The following PRKCE variants were observed in gnomAD, a reference collection of about 807,000 sequenced individuals.
PRKCE encodes protein kinase C epsilon type.
PRKCE carries 16 observed loss-of-function variants against 85.4 expected under a neutral mutation model. The ratio of observed to expected loss-of-function variants is 0.19; its 90% CI spans 0.13 to 0.28. The LOEUF is 0.28. PRKCE is among the 10% of genes least tolerant of loss of function. The pLI, the probability that PRKCE is intolerant of heterozygous loss-of-function variation, is 1.00. For synonymous variants in PRKCE, 388 were observed against 371.5 expected, an observed-to-expected ratio of 1.04 and a Z score of -0.51; for missense variants, 573 against 975.2, an observed-to-expected ratio of 0.59 and a Z score of 5.49.
intron 10 of PRKCE, among the ~76,000 whole-genome samples, chr2:46,074,429 C>CAAAAAAAAAAAAAAAA (rs11287357): frequency 5.3e-5 from 5 of 93,864 alleles, no homozygotes; most frequent in Non-Finnish European, 6.3e-5. Context: ...CAACAACAAC[C>CAAAAAAAAAAAAAAAA]AAAAAAAAAA....
At chr2:45,928,901 G>A (rs570875311) in intron 2 of PRKCE, among the ~76,000 whole-genome samples, 1 of 152,290 alleles carries the variant, frequency 6.6e-6, no homozygotes, top group South Asian at 2.1e-4. Context: ...CCCGAGGCTG[G>A]GAGTCTGGGG....
intron 2 of PRKCE, among the ~76,000 whole-genome samples, chr2:45,969,505 C>T (rs1701964867): frequency 6.6e-6 from 1 of 152,148 alleles, no homozygotes; most frequent in Non-Finnish European, 1.5e-5. Context: ...GGGCATGGAT[C>T]CGGCAACTCT....
chr2:45,958,972 C>T (rs1201012958), intron 2 of PRKCE, among the ~76,000 whole-genome samples: 1 of 150,486 alleles, frequency 6.6e-6, no homozygotes, highest in African/African-American at 2.4e-5. Flanking sequence ...TCAGAAAGAG[C>T]CACGTCAGGG....
At chr2:45,782,330 A>G (rs1686252737) in intron 1 of PRKCE, among the ~76,000 whole-genome samples, 1 of 152,144 alleles carries the variant, frequency 6.6e-6, no homozygotes, top group Non-Finnish European at 1.5e-5. Context: ...GTGTCACAAC[A>G]CAAACCCCAG....
At chr2:46,157,179 A>G (rs1216821709) in intron 13 of PRKCE, among the ~76,000 whole-genome samples, 5 of 152,216 alleles carry the variant, frequency 3.3e-5, no homozygotes, top group Admixed American at 3.3e-4. Context: ...TTGTCTCCTG[A>G]TTCCCGGAGC....
At chr2:45,691,832 C>A (rs1023389395) in intron 1 of PRKCE, among the ~76,000 whole-genome samples, 1 of 152,166 alleles carries the variant, frequency 6.6e-6, no homozygotes, top group Non-Finnish European at 1.5e-5. Flanking sequence ...CAGGCCCAGC[C>A]AACTGCTTTG....
At chr2:45,821,390 C>A (rs1301754707) in intron 1 of PRKCE, among the ~76,000 whole-genome samples, 1 of 152,094 alleles carries the variant, frequency 6.6e-6, no homozygotes, top group Non-Finnish European at 1.5e-5. Flanking sequence ...CTTTGCTGGG[C>A]CCAGGAGGAT....
At chr2:45,691,995 A>C (rs1252104476) in intron 1 of PRKCE, among the ~76,000 whole-genome samples, 2 of 152,224 alleles carry the variant, frequency 1.3e-5, no homozygotes, top group Non-Finnish European at 2.9e-5. Context: ...TGATAGTTTC[A>C]GTGTTAATAA....
chr2:45,933,464 CTTTTT>C (rs59991455), intron 2 of PRKCE, among the ~76,000 whole-genome samples: 1 of 65,346 alleles, frequency 1.5e-5, no homozygotes, highest in African/African-American at 6.2e-5. Context: ...CATATGCCTG[CTTTTT>C]TTTTTTTTTT....
intron 2 of PRKCE, among the ~76,000 whole-genome samples, chr2:45,952,270 G>A (rs538802120): frequency 2.0e-5 from 3 of 152,290 alleles, no homozygotes; most frequent in Non-Finnish European, 4.4e-5. Flanking sequence ...CGGCAAAAGA[G>A]CCCAGGCCCC....
chr2:46,087,107 TC>T (rs1669720939), intron 11 of PRKCE, among the ~76,000 whole-genome samples: 1 of 152,146 alleles, frequency 6.6e-6, no homozygotes, highest in Non-Finnish European at 1.5e-5. Flanking sequence ...GTTAATTTCT[TC>T]ACTTGGTCTT....
At chr2:46,010,076 A>C (rs372696276) in intron 9 of PRKCE, among the ~76,000 whole-genome samples, 8 of 152,224 alleles carry the variant, frequency 5.3e-5, no homozygotes, top group African/African-American at 1.4e-4. Context: ...GTAATTGTAG[A>C]ATAGGAAGTT....
chr2:46,049,841 AATTTAC>A (rs1263019139), intron 10 of PRKCE, among the ~76,000 whole-genome samples: 3 of 152,128 alleles, frequency 2.0e-5, no homozygotes, highest in Non-Finnish European at 4.4e-5. Flanking sequence ...GATTTCATGT[AATTTAC>A]ATTTTCCCAT....
At chr2:45,918,375 T>C (rs1697994189) in intron 2 of PRKCE, among the ~76,000 whole-genome samples, 1 of 152,234 alleles carries the variant, frequency 6.6e-6, no homozygotes, top group South Asian at 2.1e-4. Context: ...TAACTTTTTT[T>C]CCCAAAATTG....
intron 1 of PRKCE, among the ~76,000 whole-genome samples, chr2:45,742,573 T>C (rs527285322): frequency 6.6e-6 from 1 of 152,254 alleles, no homozygotes; most frequent in East Asian, 1.9e-4. Flanking sequence ...CAATGAGCTA[T>C]CACCTCACAC....
At chr2:45,701,763 T>G (rs1678660501) in intron 1 of PRKCE, among the ~76,000 whole-genome samples, 1 of 152,138 alleles carries the variant, frequency 6.6e-6, no homozygotes, top group Non-Finnish European at 1.5e-5. Flanking sequence ...CCATGTAAAT[T>G]CTAGTCTGAT....
At chr2:46,116,280 T>C (rs1672758633) in intron 11 of PRKCE, among the ~76,000 whole-genome samples, 1 of 152,156 alleles carries the variant, frequency 6.6e-6, no homozygotes, top group Admixed American at 6.5e-5. Context: ...GAATGTCACG[T>C]GAGAGTTGCT....
chr2:46,064,931 C>T (rs901912728), intron 10 of PRKCE, among the ~76,000 whole-genome samples: 15 of 152,174 alleles, frequency 9.9e-5, no homozygotes, highest in African/African-American at 3.6e-4. Context: ...CAACACCAAG[C>T]CCAAGCTTTC....
intron 1 of PRKCE, among the ~76,000 whole-genome samples, chr2:45,801,248 C>T (rs530836640): frequency 6.6e-6 from 1 of 152,230 alleles, no homozygotes; most frequent in African/African-American, 2.4e-5. Flanking sequence ...TTAAGCTGAC[C>T]AGTGGCCAGG....
Sources: allele counts gnomAD v4.1 joint callset (sites outside exome capture counted in the v4.1 genomes callset), GRCh38; gene constraint gnomAD v4.1.1; transcripts MANE v1.5; gene names NCBI Gene and HGNC (gene_info 2026-07-23, HGNC 2026-07-21).